CSMD1: variants seen among roughly 807,000 people sequenced by gnomAD.
CSMD1 encodes the protein CUB and sushi domain-containing protein 1.
A neutral mutation model predicts 417.5 loss-of-function variants in CSMD1; 213 were observed. That is an observed-to-expected ratio of 0.51 (90% CI 0.46 to 0.57). The LOEUF (loss-of-function observed/expected upper bound fraction) is 0.57, where lower values mean the gene tolerates loss of function less well. Among genes scored for constraint, CSMD1 ranks in the 20% least tolerant of loss-of-function variants. The probability of loss-of-function intolerance (pLI) is 0.00; values close to 1 mark genes in which losing one functional copy is unlikely to be tolerated. For missense variants in CSMD1, 6,923 were observed against 4,529.7 expected (o/e 1.53, Z -15.17); for synonymous variants, 2,862 against 1,736.8 (o/e 1.65, Z -16.11).
chr8:4,983,812 A>G (rs985263079), intron 1 of CSMD1, among the ~76,000 whole-genome samples: 1 of 142,720 alleles, frequency 7.0e-6, no homozygotes, highest in African/African-American at 2.7e-5. Flanking sequence ...AAAAAATTAG[A>G]TCAAGGAGAG....
At chr8:3,978,625 C>G (rs764845881) in intron 5 of CSMD1, among the ~76,000 whole-genome samples, 1 of 152,112 alleles carries the variant, frequency 6.6e-6, no homozygotes, top group African/African-American at 2.4e-5. Context: ...AAGGAAACGT[C>G]TCGTCGCTGC....
chr8:4,518,898 C>A (rs536615327), intron 2 of CSMD1, among the ~76,000 whole-genome samples: 3 of 152,056 alleles, frequency 2.0e-5, no homozygotes, highest in Non-Finnish European at 4.4e-5. Context: ...AGTAAACATT[C>A]CCCATAAAAT....
chr8:3,898,318 T>A lies in CSMD1; in HGVS notation c.818+99585A>T, dbSNP rs561538600. On this transcript the variant is annotated intron_variant, in intron 5 of 69. Transcript: ENST00000635120. ...ATTTGAACAATTCAAGGACAACTAC[T>A]CTGATGTTATGTGAGCTATGTGTGT... Among the ~76,000 whole-genome samples the A allele has an allele frequency of 1.8e-3, 267 of 152,274 alleles. 2 individuals carry two copies. The highest frequency in any genetic ancestry group is 1.6e-3 in the Non-Finnish European group (112 of 68,028).
At chr8:3,169,548 G>C (rs372697597) in intron 37 of CSMD1, among the ~76,000 whole-genome samples, 50 of 152,224 alleles carry the variant, frequency 3.3e-4, no homozygotes, top group East Asian at 1.2e-3. Flanking sequence ...TGTTTAATGA[G>C]TGCAGAGTTT....
intron 3 of CSMD1, among the ~76,000 whole-genome samples, chr8:4,214,146 G>A (rs757005138): frequency 6.6e-6 from 1 of 152,162 alleles, no homozygotes; most frequent in African/African-American, 2.4e-5. Flanking sequence ...CTTAGTTCTT[G>A]GATCTCTACT....
intron 1 of CSMD1, among the ~76,000 whole-genome samples, chr8:4,875,551 G>C (rs1170562249): frequency 6.6e-6 from 1 of 151,986 alleles, no homozygotes; most frequent in Non-Finnish European, 1.5e-5. Flanking sequence ...TCCAACTCAA[G>C]CAGAAGCATA....
At chr8:3,788,857 T>C (rs773283765) in intron 5 of CSMD1, among the ~76,000 whole-genome samples, 1 of 152,180 alleles carries the variant, frequency 6.6e-6, no homozygotes, top group Non-Finnish European at 1.5e-5. Context: ...GGGGTAGAAA[T>C]TATGATCTCG....
At chr8:3,452,898 G>A (rs1403077138) in intron 12 of CSMD1, among the ~76,000 whole-genome samples, 1 of 152,220 alleles carries the variant, frequency 6.6e-6, no homozygotes, top group Admixed American at 6.5e-5. Context: ...AATGGTACCA[G>A]CTCCTCCTTG....
chr8:4,679,189 T>G (rs1805882477), intron 1 of CSMD1, among the ~76,000 whole-genome samples: 1 of 152,206 alleles, frequency 6.6e-6, no homozygotes, highest in African/African-American at 2.4e-5. Flanking sequence ...AATCTGGCTC[T>G]GGGAGCTGTC....
intron 1 of CSMD1, among the ~76,000 whole-genome samples, chr8:4,914,659 C>G (rs1019043126): frequency 1.9e-4 from 29 of 151,660 alleles, no homozygotes; most frequent in Non-Finnish European, 8.8e-5. Flanking sequence ...GTAGCAGATC[C>G]TCTGTTTGGA....
intron 3 of CSMD1, among the ~76,000 whole-genome samples, chr8:4,419,245 A>G (rs774223779): frequency 6.6e-6 from 1 of 152,204 alleles, no homozygotes; most frequent in African/African-American, 2.4e-5. Context: ...TATTACGTGT[A>G]AAAGGCAATT....
At chr8:4,049,047 CT>C (rs1798290210) in intron 3 of CSMD1, among the ~76,000 whole-genome samples, 1 of 152,176 alleles carries the variant, frequency 6.6e-6, no homozygotes, top group South Asian at 2.1e-4. Context: ...ATCTCAACAA[CT>C]CTCAAAACAG....
chr8:4,098,925 G>A (rs941896000), intron 3 of CSMD1, among the ~76,000 whole-genome samples: 3 of 151,888 alleles, frequency 2.0e-5, no homozygotes, highest in Non-Finnish European at 2.9e-5. Flanking sequence ...TAGAGACTGG[G>A]GTACAACACA....
In CSMD1 at chr8:4,457,911, A is replaced by G. The variant is rs553825123; in HGVS notation, c.303-37846T>C. On this transcript the variant is annotated intron_variant, in intron 2 of 69. Coordinates refer to ENST00000635120, the MANE Select transcript of CSMD1 (RefSeq NM_033225.6). ...CCGTAGTGAACGTCTCCATTTTCCC[A>G]TACACCATGGGGCAGAGTCTATGTA... Among the ~76,000 whole-genome samples the G allele has an allele frequency of 1.1e-4, 16 of 152,166 alleles. No homozygotes were observed. The South Asian group carries it at 3.3e-3, about 32-fold the overall frequency.
At chr8:4,909,812 C>T (rs1007955367) in intron 1 of CSMD1, among the ~76,000 whole-genome samples, 7 of 152,158 alleles carry the variant, frequency 4.6e-5, no homozygotes, top group African/African-American at 1.4e-4. Flanking sequence ...CCCACCTGTC[C>T]TTCATTTCCA....
Position 4,212,209 on chromosome 8 carries a change from T to C in CSMD1, c.416-180110A>G, listed in dbSNP as rs533188034. Reference sequence around the variant, plus strand: ...ATATATATATATTATTTTCTCTCCATGTTGTTTTAACTTATTATACCTTAG... The same window carrying C: ...ATATATATATATTATTTTCTCTCCACGTTGTTTTAACTTATTATACCTTAG... On this transcript the variant is annotated intron_variant, in intron 3 of 69. Transcript: ENST00000635120. 2.5e-4 allele frequency among the ~76,000 whole-genome samples: 38 copies of C among 150,898 alleles called. No homozygotes were observed. The South Asian group carries it at 6.8e-3, about 27-fold the overall frequency.
chr8:3,040,473 T>TATATAAAC (rs995662602), intron 50 of CSMD1, among the ~76,000 whole-genome samples: 8 of 149,430 alleles, frequency 5.4e-5, no homozygotes, highest in African/African-American at 2.0e-4. Context: ...TCTATCTATA[T>TATATAAAC]ATATAAACAT....
chr8:3,870,427 G>A (rs568292685), intron 5 of CSMD1, among the ~76,000 whole-genome samples: 75 of 152,120 alleles, frequency 4.9e-4, no homozygotes, highest in African/African-American at 1.7e-3. Context: ...ACATTTATAT[G>A]CATATATCTT....
At chr8:3,223,501 A>G (rs1375082474) in intron 28 of CSMD1, among the ~76,000 whole-genome samples, 2 of 152,226 alleles carry the variant, frequency 1.3e-5, no homozygotes, top group African/African-American at 2.4e-5. Context: ...TGTGTGCAAG[A>G]CAAACAGTAT....
Sources: allele counts gnomAD v4.1 joint callset (sites outside exome capture counted in the v4.1 genomes callset), GRCh38; gene constraint gnomAD v4.1.1; transcripts MANE v1.5; gene names NCBI Gene and HGNC (gene_info 2026-07-23, HGNC 2026-07-21).